DSCAML1: variants seen among roughly 807,000 people sequenced by gnomAD.
DSCAML1 encodes DS cell adhesion molecule like 1.
In DSCAML1, 38 loss-of-function variants were observed where a neutral mutation model predicts 200.5. That is an observed-to-expected ratio of 0.19 (90% CI 0.15 to 0.25). The LOEUF is 0.25. DSCAML1 is among the 10% of genes least tolerant of loss of function. DSCAML1 has a pLI of 1.00. For missense variants in DSCAML1, 2,223 were observed against 2,858.8 expected (o/e 0.78, Z 5.07); for synonymous variants, 1,215 against 1,165.0 (o/e 1.04, Z -0.87).
At chr11:117,743,178 A>G (rs1351049817) in intron 3 of DSCAML1, among the ~76,000 whole-genome samples, 1 of 152,214 alleles carries the variant, frequency 6.6e-6, no homozygotes, top group Non-Finnish European at 1.5e-5. Context: ...AGAGAAGTCA[A>G]TAAGCAGTGA....
intron 3 of DSCAML1, among the ~76,000 whole-genome samples, chr11:117,633,548 T>C (rs1391764042): frequency 6.6e-6 from 1 of 152,210 alleles, no homozygotes; most frequent in Non-Finnish European, 1.5e-5. Context: ...GCTAATCCCC[T>C]TTGTTAGCTC....
intron 3 of DSCAML1, among the ~76,000 whole-genome samples, chr11:117,703,136 A>G (rs1237032900): frequency 2.0e-5 from 3 of 152,200 alleles, no homozygotes; most frequent in Admixed American, 6.5e-5. Flanking sequence ...AGCAGAAGCC[A>G]GAGCCTGCCG....
At chr11:117,656,768 G>A (rs1263772370) in intron 3 of DSCAML1, among the ~76,000 whole-genome samples, 2 of 152,120 alleles carry the variant, frequency 1.3e-5, no homozygotes, top group Non-Finnish European at 2.9e-5. Flanking sequence ...CACACATGAA[G>A]GGTTTAGCAA....
intron 3 of DSCAML1, among the ~76,000 whole-genome samples, chr11:117,654,705 A>G (rs7950072): frequency 0.14 from 20,571 of 152,118 alleles, 1,769 homozygotes; most frequent in African/African-American, 0.22. Flanking sequence ...GTTAAATTGG[A>G]AGAGACCTAA....
chr11:117,432,975 C>A (rs1022509707), intron 29 of DSCAML1, among the ~76,000 whole-genome samples, 163 bp downstream of exon 29: 1 of 152,112 alleles, frequency 6.6e-6, no homozygotes, highest in African/African-American at 2.4e-5. Context: ...GGAAAATTAG[C>A]CCTTGAGAGA....
intron 26 of DSCAML1, among the ~76,000 whole-genome samples, chr11:117,436,911 TG>T (rs2047929062): frequency 6.6e-6 from 1 of 152,196 alleles, no homozygotes; most frequent in Non-Finnish European, 1.5e-5. Flanking sequence ...CCATCTGTAG[TG>T]GCCATTGGTG....
chr11:117,431,770 G>A, intron 30 of DSCAML1, 42 bp from the exon 31 acceptor site: 1 of 1,496,236 alleles, frequency 6.7e-7, no homozygotes, highest in Non-Finnish European at 9.0e-7. Flanking sequence ...CCAACCAAAG[G>A]CACCCAGGCT....
In DSCAML1 at chr11:117,664,922, C is replaced by A. The variant is rs565929229; in HGVS notation, c.511+111869G>T. 3.9e-5 allele frequency among the ~76,000 whole-genome samples: 6 copies of A among 152,228 alleles called. No individual in the cohort carries two copies. The South Asian group carries it at 1.2e-3, about 32-fold the overall frequency. On this transcript the variant is annotated intron_variant, in intron 3 of 32. Coordinates refer to ENST00000651296, the MANE Select transcript of DSCAML1 (RefSeq NM_020693.4). ...TGTCTGCTGGGCACCTTCAGAACCACGTCTATCAACAAACACTGTGGTCTG... is the reference window on the plus strand; with the variant it reads ...TGTCTGCTGGGCACCTTCAGAACCAAGTCTATCAACAAACACTGTGGTCTG...
intron 3 of DSCAML1, among the ~76,000 whole-genome samples, chr11:117,700,649 G>A (rs150184614): frequency 3.7e-4 from 57 of 152,344 alleles, no homozygotes; most frequent in African/African-American, 1.3e-3. Flanking sequence ...GCTCTAAGGA[G>A]CACTGATCAA....
upstream of DSCAML1, chr11:117,800,984 A>T (rs901514481): frequency 6.6e-6 from 1 of 152,226 alleles, no homozygotes; most frequent in African/African-American, 2.4e-5. Context: ...CTTGAGTATA[A>T]ACAGGGTTTT....
At chr11:117,666,576 C>T (rs1055885960) in intron 3 of DSCAML1, among the ~76,000 whole-genome samples, 5 of 152,306 alleles carry the variant, frequency 3.3e-5, no homozygotes, top group Non-Finnish European at 7.3e-5. Context: ...TCCCACTCCT[C>T]TCTCTCCCTC....
intron 5 of DSCAML1, among the ~76,000 whole-genome samples, chr11:117,522,872 T>C (rs1398143267): frequency 6.6e-6 from 1 of 152,052 alleles, no homozygotes; most frequent in African/African-American, 2.4e-5. Context: ...GGCTGGCAGA[T>C]GGAGAAAAGT....
In DSCAML1 at chr11:117,504,947, T is replaced by A; in HGVS notation, c.2159A>T (p.Lys720Met). ...NCSVDGYPPP[K>M]VMWKHAKGSG... The stretch of plus-strand genomic sequence containing the variant: ...ACCCTTGGCATGCTTCCACATGACC[T>A]TGGGTGGGGGGTAGCCGTCCACCGA... Residue 720 changes from lysine (K) to methionine (M), a missense_variant, in exon 10 of 33, where the codon AAG becomes ATG. Lys to Met is a moderately conservative substitution (Grantham distance 95, BLOSUM62 -1). Transcript: ENST00000651296. This position sits in a 1 kb window ranked among gnomAD's most constrained non-coding sequence, Gnocchi z 5.0. 6.2e-7 allele frequency: 1 copy of A among 1,610,208 alleles called. No homozygotes were observed. Among genetic ancestry groups the A allele is most frequent in the Non-Finnish European group, 8.5e-7 (1 of 1,177,606 alleles).
chr11:117,814,490 T>C (rs555166536), intron 1 of DSCAML1, among the ~76,000 whole-genome samples: 5 of 152,188 alleles, frequency 3.3e-5, no homozygotes, highest in Non-Finnish European at 7.3e-5. Context: ...CCTGGAGGCA[T>C]GGAGCAGGGA....
In DSCAML1 at chr11:117,480,413, A is replaced by G. The variant is rs746650050; in HGVS notation, c.2785+30T>C. ...GTGGCACAAGGGGCCATGGCAGGCC[A>G]CGCTGTCACCCTCCTGGCCCAGCGC... On this transcript the variant is annotated intron_variant, in intron 14 of 32. Coordinates refer to ENST00000651296, the MANE Select transcript of DSCAML1 (RefSeq NM_020693.4). This position sits in a 1 kb window ranked among gnomAD's most constrained non-coding sequence, Gnocchi z 4.1. 3 of 1,611,440 alleles carry G rather than the reference A, an allele frequency of 1.9e-6. No individual in the cohort carries two copies. The South Asian group carries it at 3.3e-5, about 18-fold the overall frequency.
intron 3 of DSCAML1, among the ~76,000 whole-genome samples, chr11:117,689,731 G>A (rs1264319267): frequency 6.6e-6 from 1 of 152,216 alleles, no homozygotes; most frequent in African/African-American, 2.4e-5. Context: ...CTGACTGCTG[G>A]AGACCTGGAT....
chr11:117,442,331 A>AGTG (rs2048079843), intron 21 of DSCAML1, among the ~76,000 whole-genome samples: 1 of 140,128 alleles, frequency 7.1e-6, no homozygotes, highest in African/African-American at 2.9e-5. Flanking sequence ...ATTAGTGTGT[A>AGTG]TAGTGTGTAT....
chr11:117,791,126 T>C (rs1351342801), intron 1 of DSCAML1, among the ~76,000 whole-genome samples: 1 of 152,124 alleles, frequency 6.6e-6, no homozygotes, highest in Non-Finnish European at 1.5e-5. Context: ...GACAAACATC[T>C]GTTTAACAAG....
At chr11:117,773,240 G>A (rs977401289) in intron 3 of DSCAML1, among the ~76,000 whole-genome samples, 5 of 152,116 alleles carry the variant, frequency 3.3e-5, no homozygotes, top group Non-Finnish European at 7.4e-5. Flanking sequence ...TCCTCCCAGG[G>A]CACCTGCATC....
Sources: allele counts gnomAD v4.1 joint callset (sites outside exome capture counted in the v4.1 genomes callset), GRCh38; gene constraint gnomAD v4.1.1; non-coding constraint Gnocchi (gnomAD v3.1); transcripts MANE v1.5; gene names NCBI Gene and HGNC (gene_info 2026-07-23, HGNC 2026-07-21).